ADSS2: variants seen among roughly 807,000 people sequenced by gnomAD.
The protein encoded by ADSS2 is adenylosuccinate synthase 2.
A neutral mutation model predicts 60.0 loss-of-function variants in ADSS2; 30 were observed. That is an observed-to-expected ratio of 0.50 (90% CI 0.37 to 0.68). ADSS2 has a LOEUF of 0.68. Ranked by LOEUF, ADSS2 falls within the 30% of genes least tolerant of loss-of-function variation. ADSS2 has a pLI of 0.00. For missense variants in ADSS2, 373 were observed against 554.8 expected, an observed-to-expected ratio of 0.67 and a Z score of 3.29; for synonymous variants, 187 against 193.1, an observed-to-expected ratio of 0.97 and a Z score of 0.26.
intron 4 of ADSS2, among the ~76,000 whole-genome samples, chr1:244,425,200 T>C (rs1346625538): frequency 6.6e-6 from 1 of 152,302 alleles, no homozygotes; most frequent in African/African-American, 2.4e-5. Context: ...ACTCAATAAA[T>C]AGATGGTTTA....
intron 3 of ADSS2, among the ~76,000 whole-genome samples, chr1:244,436,413 G>A (rs892318138): frequency 1.3e-5 from 2 of 152,228 alleles, no homozygotes; most frequent in South Asian, 2.1e-4. Context: ...GGACCTAAAC[G>A]ATTCCCCTTA....
intron 1 of ADSS2, among the ~76,000 whole-genome samples, chr1:244,442,472 T>C (rs1371483189): frequency 6.6e-6 from 1 of 152,194 alleles, no homozygotes; most frequent in Non-Finnish European, 1.5e-5. Flanking sequence ...ATTACATTGA[T>C]TATTATATGG....
intron 4 of ADSS2, 71 bp downstream of exon 4, chr1:244,432,473 TA>T (rs1664967990): frequency 4.5e-6 from 5 of 1,120,544 alleles, no homozygotes; most frequent in Non-Finnish European, 6.4e-6. Flanking sequence ...CAAAATTAGT[TA>T]CTAAATACTT....
At position 244,409,515 on chromosome 1, in the gene ADSS2, C is replaced by A; in HGVS notation, c.*71G>T. On this transcript the variant is annotated 3_prime_UTR_variant, in exon 13 of 13. Transcript: ENST00000366535. The stretch of plus-strand genomic sequence containing the variant: ...TGTCTTTATTCTTGAATTTGCAGGT[C>A]ATAAATGAAATATTTAAGAAAGTCT... The A allele has an allele frequency of 8.1e-7, 1 of 1,234,178 alleles. No individual in the cohort carries two copies. Among genetic ancestry groups the A allele is most frequent in the South Asian group, 1.3e-5 (1 of 77,970 alleles). 76.5% of individuals were successfully genotyped at this position (1,234,178 alleles called of 1,614,324 possible). A position where few individuals can be genotyped will look rare whatever the true frequency, so the allele number is the denominator to read the frequency against.
intron 4 of ADSS2, among the ~76,000 whole-genome samples, chr1:244,426,319 G>A (rs959751310): frequency 3.9e-5 from 6 of 152,250 alleles, no homozygotes; most frequent in Admixed American, 3.3e-4. Flanking sequence ...ATGGTTGATG[G>A]AAAGCAGGTG....
Position 244,420,204 on chromosome 1 carries a change from T to G in ADSS2, c.756A>C (p.Glu252Asp). 6.2e-7 allele frequency: 1 copy of G among 1,613,892 alleles called. No individual in the cohort carries two copies. Among genetic ancestry groups the G allele is most frequent in the Non-Finnish European group, 8.5e-7 (1 of 1,179,882 alleles). The change falls in exon 8 of 13, where the codon GAA becomes GAC. Residue 252 changes from glutamate to aspartate, a missense_variant. By Grantham distance (45) the Glu-to-Asp change is conservative. Coordinates refer to ENST00000366535, the MANE Select transcript of ADSS2 (RefSeq NM_001126.5). ...TATCTAATAGTGCTGCATTTGCACC[T>G]TCTACCAAGATTTTCTTTGGTGGTC... ...LHGPPKKILV[E>D]GANAALLDID...
chr1:244,437,036 A>AC (rs2148008744), intron 2 of ADSS2, 143 bp from the exon 3 acceptor site: 1 of 643,616 alleles, frequency 1.6e-6, no homozygotes, highest in East Asian at 2.7e-5. Flanking sequence ...ACATAATGGA[A>AC]CATAATATAG....
At chr1:244,426,859 T>C (rs902860646) in intron 4 of ADSS2, among the ~76,000 whole-genome samples, 1 of 152,172 alleles carries the variant, frequency 6.6e-6, no homozygotes, top group Non-Finnish European at 1.5e-5. Flanking sequence ...CTGAGCACTA[T>C]ATGCCATGCT....
At chr1:244,412,122 T>C (rs911476088) in intron 11 of ADSS2, among the ~76,000 whole-genome samples, 2 of 152,174 alleles carry the variant, frequency 1.3e-5, no homozygotes, top group Non-Finnish European at 2.9e-5. Context: ...GACTTGTCAA[T>C]GTAGGAATAG....
intron 7 of ADSS2, 73 bp from the exon 8 acceptor site, chr1:244,420,369 T>A: frequency 7.5e-7 from 1 of 1,339,068 alleles, no homozygotes. Context: ...AAGAATAAAT[T>A]ACCTGACTTT....
At chr1:244,432,389 A>C (rs1664965356) in intron 4 of ADSS2, among the ~76,000 whole-genome samples, 156 bp downstream of exon 4, 1 of 152,194 alleles carries the variant, frequency 6.6e-6, no homozygotes, top group African/African-American at 2.4e-5. Context: ...AAAGAAAAAA[A>C]TTAGTAAGTA....
At chr1:244,429,852 C>T (rs930223676) in intron 4 of ADSS2, among the ~76,000 whole-genome samples, 4 of 151,890 alleles carry the variant, frequency 2.6e-5, no homozygotes, top group East Asian at 1.9e-4. Flanking sequence ...ATTGCACTCC[C>T]GCCTGGGTGA....
rs2147991327 is a variant in ADSS2 at position 244,417,642 on chromosome 1, G to C, written c.1056C>G (p.Ile352Met). 1 of 1,611,992 alleles carries C rather than the reference G, an allele frequency of 6.2e-7. No homozygotes were observed. The highest frequency in any genetic ancestry group is 1.1e-5 in the South Asian group (1 of 90,958). ...DLVLLKYAHM[I>M]NGFTALALTK... is the part of the protein sequence containing the mutation. Reference sequence around the variant, plus strand: ...AGAATACTCACGCAGTAAATCCATTGATCATATGAGCATATTTGAGCAAAA... The same window carrying C: ...AGAATACTCACGCAGTAAATCCATTCATCATATGAGCATATTTGAGCAAAA... Residue 352 changes from isoleucine (I) to methionine (M), a missense_variant, in exon 10 of 13, where the codon ATC becomes ATG. Ile to Met is a conservative substitution (Grantham distance 10). Coordinates refer to ENST00000366535, the MANE Select transcript of ADSS2 (RefSeq NM_001126.5).
chr1:244,424,145 A>G (rs1224519058), intron 5 of ADSS2, 85 bp from the exon 6 acceptor site: 2 of 1,244,766 alleles, frequency 1.6e-6, no homozygotes, highest in Non-Finnish European at 2.3e-6. Context: ...ATAAAGTTAC[A>G]TATGACTATT....
intron 7 of ADSS2, 81 bp downstream of exon 7, chr1:244,422,754 G>A (rs1275395743): frequency 1.1e-5 from 12 of 1,049,208 alleles, no homozygotes; most frequent in Non-Finnish European, 1.6e-5. Flanking sequence ...CTTACCCAAA[G>A]CCTGCATGAA....
At chr1:244,441,249 G>A (rs1353465110) in intron 1 of ADSS2, among the ~76,000 whole-genome samples, 1 of 151,970 alleles carries the variant, frequency 6.6e-6, no homozygotes, top group East Asian at 1.9e-4. Flanking sequence ...TAGTAGAGAC[G>A]GGGTTTCACC....
At chr1:244,413,645 C>A (rs1264764623) in intron 11 of ADSS2, among the ~76,000 whole-genome samples, 1 of 152,058 alleles carries the variant, frequency 6.6e-6, no homozygotes, top group Non-Finnish European at 1.5e-5. Context: ...GAGAGAAGGG[C>A]CCCCCAGAAG....
chr1:244,419,097 C>A, intron 8 of ADSS2, 183 bp from the exon 9 acceptor site: 1 of 593,162 alleles, frequency 1.7e-6, no homozygotes, highest in South Asian at 2.9e-5. Flanking sequence ...GACATAAAAA[C>A]GAGGTCAGAG....
intron 1 of ADSS2, among the ~76,000 whole-genome samples, chr1:244,440,569 TTA>T (rs1665212782): frequency 6.6e-6 from 1 of 152,152 alleles, no homozygotes; most frequent in Admixed American, 6.6e-5. Context: ...TTTTTACTAT[TTA>T]TTTTTTTAAT....
Sources: gnomAD v4.1 joint callset for allele counts (sites outside exome capture counted in the v4.1 genomes callset) on GRCh38, gnomAD v4.1.1 for gene constraint, MANE v1.5 for transcripts, NCBI Gene and HGNC (gene_info 2026-07-23, HGNC 2026-07-21) for gene names.